Variants in PECAM1 observed in about 807,000 individuals in gnomAD.
PECAM1 encodes the protein platelet and endothelial cell adhesion molecule 1.
Under a neutral mutation model 13.8 loss-of-function variants are expected in PECAM1, and 8 were observed. That is an observed-to-expected ratio of 0.58 (90% CI 0.34 to 1.05). The LOEUF (loss-of-function observed/expected upper bound fraction) is 1.05, where lower values mean the gene tolerates loss of function less well. Among genes scored for constraint, PECAM1 ranks in the 50% least tolerant of loss-of-function variants. PECAM1 has a pLI of 0.03. For synonymous variants in PECAM1, 136 were observed against 52.6 expected (o/e 2.58, Z -6.86); for missense variants, 304 against 141.2 (o/e 2.15, Z -5.84).
At position 64,382,067 on chromosome 17, in the gene PECAM1, T is replaced by C. The variant is rs1053055771; in HGVS notation, c.92-3950A>G. Among the ~76,000 whole-genome samples, 661 of 152,196 alleles carry C rather than the reference T, an allele frequency of 4.3e-3. 3 individuals are homozygous for C. Among genetic ancestry groups the C allele is most frequent in the Non-Finnish European group, 6.7e-3 (457 of 68,002 alleles). On this transcript the variant is annotated intron_variant, in intron 2 of 15. Transcript: ENST00000563924. ...GTGAGCCAAGGTCATGCCATTGCAC[T>C]CCAGCCTGGGAAATAAGAGCAAAAC...
At chr17:64,355,861 T>C (rs2035833853) in intron 8 of PECAM1, among the ~76,000 whole-genome samples, 1 of 152,188 alleles carries the variant, frequency 6.6e-6, no homozygotes, top group African/African-American at 2.4e-5. Context: ...GACTCAATGG[T>C]GAGTCTGCCA....
At chr17:64,358,831 C>T (rs1293194936) in intron 7 of PECAM1, among the ~76,000 whole-genome samples, 2 of 150,438 alleles carry the variant, frequency 1.3e-5, no homozygotes, top group African/African-American at 4.9e-5. Context: ...GAGTCTTGCT[C>T]CGTTGCCCAG....
At chr17:64,364,305 C>T (rs1431500527) in intron 5 of PECAM1, among the ~76,000 whole-genome samples, 2 of 152,042 alleles carry the variant, frequency 1.3e-5, no homozygotes, top group South Asian at 2.1e-4. Context: ...AGACCAATAA[C>T]GGGATCTGAA....
At chr17:64,366,480 A>G (rs1453214765) in intron 5 of PECAM1, among the ~76,000 whole-genome samples, 4 of 150,748 alleles carry the variant, frequency 2.7e-5, no homozygotes, top group Non-Finnish European at 4.4e-5. Flanking sequence ...CTGGGTATAT[A>G]CCCAAAGGAC....
rs2035577765 is a variant in PECAM1 at position 64,346,672 on chromosome 17, G to A, written c.2107+1588C>T. Among the ~76,000 whole-genome samples the A allele has an allele frequency of 2.6e-5, 4 of 152,052 alleles. No homozygotes were observed. The South Asian group carries it at 6.2e-4, about 24-fold the overall frequency. The stretch of plus-strand genomic sequence containing the variant: ...GTTTTTTATGGTGCCCAAAACAAAC[G>A]AGATTGATGTTCTAGCATTTTCTAT... On this transcript the variant is annotated intron_variant, in intron 13 of 15. Transcript: ENST00000563924.
In PECAM1 at chr17:64,347,544, AAT is replaced by A. The variant is rs1192739250; in HGVS notation, c.2107+714_2107+715del. ...ACTCCGTCTCAACAAAGAAAAAAAA[AAT>A]ATATATATATATATAAAATAAAAAA... On this transcript the variant is annotated intron_variant, in intron 13 of 15. Coordinates refer to ENST00000563924, the MANE Select transcript of PECAM1 (RefSeq NM_000442.5). Among the ~76,000 whole-genome samples the A allele has an allele frequency of 8.3e-3, 1,047 of 126,366 alleles. 23 individuals carry two copies. The highest frequency in any genetic ancestry group is 0.042 in the African/African-American group (973 of 23,062). 82.9% of individuals were successfully genotyped at this position (126,366 alleles called of 152,430 possible).
At position 64,349,587 on chromosome 17, in the gene PECAM1, C is replaced by A. The variant is rs1268984457; in HGVS notation, c.2044+793G>T. Reference sequence around the variant, plus strand: ...TGGGTGACAGAGTAAGACTCTGTATCAAAAAAAAAAAAAAAAGAGCCAGGC... The same window carrying A: ...TGGGTGACAGAGTAAGACTCTGTATAAAAAAAAAAAAAAAAAGAGCCAGGC... On this transcript the variant is annotated intron_variant, in intron 12 of 15. Coordinates refer to ENST00000563924, the MANE Select transcript of PECAM1 (RefSeq NM_000442.5). 4.1e-3 allele frequency among the ~76,000 whole-genome samples: 264 copies of A among 64,112 alleles called. 1 individual carries two copies. The highest frequency in any genetic ancestry group is 0.026 in the Middle Eastern group (2 of 76). 42.1% of individuals were successfully genotyped at this position (64,112 alleles called of 152,430 possible). A position where few individuals can be genotyped will look rare whatever the true frequency, so the allele number is the denominator to read the frequency against.
intron 7 of PECAM1, among the ~76,000 whole-genome samples, chr17:64,359,346 A>G (rs994787696): frequency 6.6e-5 from 10 of 152,080 alleles, no homozygotes; most frequent in Non-Finnish European, 7.4e-5. Flanking sequence ...GAAACTGTCC[A>G]CCCCCAAGAC....
At chr17:64,348,681 G>T (rs979768494) in intron 12 of PECAM1, among the ~76,000 whole-genome samples, 1 of 152,108 alleles carries the variant, frequency 6.6e-6, no homozygotes, top group African/African-American at 2.4e-5. Context: ...CAAGCGATCC[G>T]CCCACCTCAG....
At chr17:64,325,280 C>G (rs1425648818) in intron 15 of PECAM1, among the ~76,000 whole-genome samples, 1 of 151,974 alleles carries the variant, frequency 6.6e-6, no homozygotes. Flanking sequence ...CCCAGCCACT[C>G]GGGAGGCTGA....
chr17:64,338,025 G>C (rs1205194173), intron 14 of PECAM1, among the ~76,000 whole-genome samples: 1 of 150,892 alleles, frequency 6.6e-6, no homozygotes, highest in Non-Finnish European at 1.5e-5. Context: ...AAACCTAAGA[G>C]AGTAAAGGAA....
intron 4 of PECAM1, among the ~76,000 whole-genome samples, chr17:64,374,268 T>C (rs1203561251): frequency 1.3e-5 from 2 of 152,010 alleles, no homozygotes; most frequent in Non-Finnish European, 2.9e-5. Flanking sequence ...GGTGAGTAGA[T>C]CATCTGAGGT....
chr17:64,322,065 C>T lies in PECAM1; in HGVS notation c.*1751G>A. On this transcript the variant is annotated 3_prime_UTR_variant, in exon 16 of 16. Transcript: ENST00000563924. ...GTTGGGGAAAGGAACCAACAGCTTT[C>T]ATCATATTGTCAAAAGAGTCTAGGC... 2 of 1,146,070 alleles carry T rather than the reference C, an allele frequency of 1.7e-6. No homozygotes were observed. The highest frequency in any genetic ancestry group is 3.5e-5 in the South Asian group (2 of 57,744). The allele number at this position is 1,146,070 out of a possible 1,614,324, so 71.0% of individuals were successfully genotyped here.
At chr17:64,368,852 CA>C (rs1415976740) in intron 5 of PECAM1, among the ~76,000 whole-genome samples, 1 of 75,554 alleles carries the variant, frequency 1.3e-5, no homozygotes. Context: ...GACTTTGTCT[CA>C]AAAAAGAAAA....
chr17:64,389,393 A>C (rs2036668038), intron 2 of PECAM1, among the ~76,000 whole-genome samples: 3 of 152,228 alleles, frequency 2.0e-5, no homozygotes, highest in Non-Finnish European at 2.9e-5. Flanking sequence ...ACAAAGGTTC[A>C]AAATTAGCTG....
chr17:64,386,388 A>T lies in PECAM1; in HGVS notation c.91+4101T>A, dbSNP rs2036593530. ...CCACTGCACTCCAGCCTGGGCAACA[A>T]GAGTGAGACTCTGTCAAAAAAAAAA... On this transcript the variant is annotated intron_variant, in intron 2 of 15. Coordinates refer to ENST00000563924, the MANE Select transcript of PECAM1 (RefSeq NM_000442.5). Among the ~76,000 whole-genome samples the T allele has an allele frequency of 8.9e-5, 13 of 146,418 alleles. No homozygotes were observed. In the South Asian group the frequency reaches 2.8e-3, roughly 32 times the overall value.
At chr17:64,326,479 C>G (rs926435106) in intron 15 of PECAM1, among the ~76,000 whole-genome samples, 3 of 152,320 alleles carry the variant, frequency 2.0e-5, no homozygotes, top group Non-Finnish European at 4.4e-5. Flanking sequence ...TGCAAGTGGG[C>G]CAAGCAAGCC....
At chr17:64,354,510 G>T (rs1300410102) in intron 9 of PECAM1, among the ~76,000 whole-genome samples, 1 of 152,112 alleles carries the variant, frequency 6.6e-6, no homozygotes, top group Admixed American at 6.6e-5. Flanking sequence ...CTTGAGTCTT[G>T]GACAGCTGAC....
At chr17:64,388,061 G>A (rs2036636611) in intron 2 of PECAM1, among the ~76,000 whole-genome samples, 1 of 127,078 alleles carries the variant, frequency 7.9e-6, no homozygotes, top group Non-Finnish European at 1.8e-5. Context: ...GCAGAGGCCT[G>A]AGGAGGCAGT....
Sources: gnomAD v4.1 joint callset for allele counts (sites outside exome capture counted in the v4.1 genomes callset) on GRCh38, gnomAD v4.1.1 for gene constraint, MANE v1.5 for transcripts, NCBI Gene and HGNC (gene_info 2026-07-23, HGNC 2026-07-21) for gene names.